RCAN2: variants seen among roughly 807,000 people sequenced by gnomAD.
RCAN2 encodes regulator of calcineurin 2.
Under a neutral mutation model 23.6 loss-of-function variants are expected in RCAN2, and 9 were observed. The ratio of observed to expected loss-of-function variants is 0.38; its 90% CI spans 0.23 to 0.67. The LOEUF (loss-of-function observed/expected upper bound fraction) is 0.67. Among genes scored for constraint, RCAN2 ranks in the 30% least tolerant of loss-of-function variants. The pLI is 0.51. For synonymous variants in RCAN2, 109 were observed against 115.7 expected (o/e 0.94, Z 0.37); for missense variants, 273 against 302.3 (o/e 0.90, Z 0.72).
intron 4 of RCAN2, among the ~76,000 whole-genome samples, chr6:46,244,185 C>G (rs1416483626): frequency 1.3e-5 from 2 of 152,204 alleles, no homozygotes; most frequent in African/African-American, 4.8e-5. Flanking sequence ...TATAGATTAG[C>G]TGTAACATTA....
At chr6:46,382,468 C>T (rs1765636739) in intron 2 of RCAN2, among the ~76,000 whole-genome samples, 1 of 152,056 alleles carries the variant, frequency 6.6e-6, no homozygotes, top group African/African-American at 2.4e-5. Flanking sequence ...AATCACAATT[C>T]CCAGGAAAAT....
chr6:46,292,432 T>C (rs1228475465), intron 2 of RCAN2, among the ~76,000 whole-genome samples: 1 of 144,686 alleles, frequency 6.9e-6, no homozygotes, highest in East Asian at 1.9e-4. Flanking sequence ...TGTTGTTTTT[T>C]TTTTTGTTTT....
intron 2 of RCAN2, among the ~76,000 whole-genome samples, chr6:46,385,064 T>G (rs1765707163): frequency 6.6e-6 from 1 of 152,256 alleles, no homozygotes; most frequent in Non-Finnish European, 1.5e-5. Flanking sequence ...CTCTGTTTAC[T>G]TTGCATATGT....
chr6:46,396,343 G>T (rs185112266), intron 2 of RCAN2, among the ~76,000 whole-genome samples: 21 of 152,260 alleles, frequency 1.4e-4, no homozygotes, highest in Non-Finnish European at 2.6e-4. Context: ...GAACTATGAA[G>T]GATCCATAGC....
chr6:46,475,213 T>C (rs1768679967), intron 1 of RCAN2, among the ~76,000 whole-genome samples: 1 of 152,196 alleles, frequency 6.6e-6, no homozygotes, highest in African/African-American at 2.4e-5. Flanking sequence ...AGAAACCCTC[T>C]AATAGCTGCA....
chr6:46,253,792 A>G (rs2165632), intron 2 of RCAN2, among the ~76,000 whole-genome samples: 117,782 of 152,062 alleles, frequency 0.77, 45,926 homozygotes, highest in Non-Finnish European at 0.81. Context: ...TTATAATACC[A>G]TATTTTTACC....
intron 2 of RCAN2, among the ~76,000 whole-genome samples, chr6:46,304,050 C>T (rs1403531434): frequency 2.6e-5 from 4 of 152,062 alleles, no homozygotes; most frequent in South Asian, 4.1e-4. Flanking sequence ...TAATAATTTG[C>T]CCTCCCACTG....
chr6:46,357,148 G>A (rs573311820), intron 2 of RCAN2, among the ~76,000 whole-genome samples: 1 of 152,284 alleles, frequency 6.6e-6, no homozygotes, highest in African/African-American at 2.4e-5. Context: ...CTGGCCACAG[G>A]CTGAAGATGG....
intron 2 of RCAN2, among the ~76,000 whole-genome samples, chr6:46,413,157 A>C (rs1425046017): frequency 6.6e-6 from 1 of 152,234 alleles, no homozygotes; most frequent in East Asian, 1.9e-4. Flanking sequence ...AGAAAGAAAA[A>C]TAGAGACTTT....
intron 2 of RCAN2, among the ~76,000 whole-genome samples, chr6:46,265,952 C>T (rs972565279): frequency 2.0e-5 from 3 of 152,172 alleles, no homozygotes; most frequent in Admixed American, 2.0e-4. Context: ...ATCACTAACA[C>T]CAGTTCTTCC....
chr6:46,233,144 C>CGTTCA (rs113911600), intron 4 of RCAN2, among the ~76,000 whole-genome samples: 10,847 of 152,152 alleles, frequency 0.071, 1,331 homozygotes, highest in African/African-American at 0.25. Context: ...CACCAGCTCC[C>CGTTCA]GTTCATCTTT....
chr6:46,430,467 G>A (rs1484474116), intron 2 of RCAN2, among the ~76,000 whole-genome samples: 2 of 152,136 alleles, frequency 1.3e-5, no homozygotes, highest in Non-Finnish European at 2.9e-5. Flanking sequence ...GCTTGGATCA[G>A]GGGTAGAATG....
chr6:46,361,256 A>G (rs1454823881), intron 2 of RCAN2, among the ~76,000 whole-genome samples: 1 of 152,156 alleles, frequency 6.6e-6, no homozygotes, highest in East Asian at 1.9e-4. Context: ...ATGAGACCAG[A>G]AATCAAAGGG....
chr6:46,479,939 T>C (rs1316253531), intron 1 of RCAN2, among the ~76,000 whole-genome samples: 3 of 152,210 alleles, frequency 2.0e-5, no homozygotes, highest in Non-Finnish European at 4.4e-5. Flanking sequence ...TGCAGTCATA[T>C]AGCCTTCACT....
At chr6:46,390,701 G>A (rs879917770) in intron 2 of RCAN2, among the ~76,000 whole-genome samples, 4 of 152,186 alleles carry the variant, frequency 2.6e-5, no homozygotes, top group Non-Finnish European at 5.9e-5. Flanking sequence ...AATGTCATAA[G>A]TAGAGTGTTT....
intron 2 of RCAN2, among the ~76,000 whole-genome samples, chr6:46,342,134 C>A (rs1582123714): frequency 6.6e-6 from 1 of 152,046 alleles, no homozygotes; most frequent in African/African-American, 2.4e-5. Context: ...AGTAGAGAAA[C>A]AAGAACCTGG....
intron 2 of RCAN2, among the ~76,000 whole-genome samples, chr6:46,446,695 A>G (rs903816179): frequency 6.3e-4 from 96 of 152,324 alleles, no homozygotes; most frequent in African/African-American, 2.3e-3. Context: ...TTGTGACACC[A>G]AAAACATAAA....
At chr6:46,297,938 G>C (rs79592187) in intron 2 of RCAN2, among the ~76,000 whole-genome samples, 5,369 of 152,240 alleles carry the variant, frequency 0.035, 290 homozygotes, top group African/African-American at 0.12. Flanking sequence ...AAAGAGGAGA[G>C]AAAGTGAGTG....
At chr6:46,483,366 T>C (rs1350049458) in intron 1 of RCAN2, among the ~76,000 whole-genome samples, 1 of 152,166 alleles carries the variant, frequency 6.6e-6, no homozygotes, top group Non-Finnish European at 1.5e-5. Context: ...GGGGCTATGA[T>C]AGCCCTCTTA....
Sources: gnomAD v4.1 joint callset for allele counts (sites outside exome capture counted in the v4.1 genomes callset) on GRCh38, gnomAD v4.1.1 for gene constraint, MANE v1.5 for transcripts, NCBI Gene and HGNC (gene_info 2026-07-23, HGNC 2026-07-21) for gene names.